The following PKNOX1 variants were observed in gnomAD, a reference collection of about 807,000 sequenced individuals.
The protein encoded by PKNOX1 is homeobox protein PKNOX1.
A neutral mutation model predicts 51.9 loss-of-function variants in PKNOX1; 15 were observed. That is an observed-to-expected ratio of 0.29 (90% confidence interval 0.19 to 0.45). The LOEUF (loss-of-function observed/expected upper bound fraction) is 0.45, where lower values mean the gene tolerates loss of function less well. Ranked by LOEUF, PKNOX1 falls within the 20% of genes least tolerant of loss-of-function variation. The pLI is 1.00. For missense variants in PKNOX1, 462 were observed against 547.5 expected (o/e 0.84, Z 1.56); for synonymous variants, 219 against 211.1 (o/e 1.04, Z -0.32).
intron 4 of PKNOX1, among the ~76,000 whole-genome samples, chr21:43,011,019 A>G (rs1286989721): frequency 6.6e-6 from 1 of 150,756 alleles, no homozygotes; most frequent in Middle Eastern, 3.2e-3. Context: ...TTGGCTTATC[A>G]TGGACATGGA....
At chr21:43,001,853 G>A (rs895331947) in intron 1 of PKNOX1, among the ~76,000 whole-genome samples, 1 of 151,952 alleles carries the variant, frequency 6.6e-6, no homozygotes, top group African/African-American at 2.4e-5. Context: ...CCAGCTACTC[G>A]GGAGGCTGAG....
chr21:42,989,485 G>A (rs193263543), intron 1 of PKNOX1, among the ~76,000 whole-genome samples: 7 of 152,064 alleles, frequency 4.6e-5, no homozygotes, highest in South Asian at 4.2e-4. Flanking sequence ...ATGTGATCTC[G>A]ATTTCACTGC....
At chr21:42,996,102 C>T (rs372567946) in intron 1 of PKNOX1, among the ~76,000 whole-genome samples, 9 of 152,164 alleles carry the variant, frequency 5.9e-5, no homozygotes, top group African/African-American at 2.2e-4. Context: ...GTAGTCCTAG[C>T]TCCGTGGGAG....
chr21:43,005,674 A>G (rs1978956451), intron 2 of PKNOX1, among the ~76,000 whole-genome samples: 1 of 151,698 alleles, frequency 6.6e-6, no homozygotes, highest in Non-Finnish European at 1.5e-5. Context: ...GGACCCCAGG[A>G]CGCCCCCAAC....
chr21:43,020,066 G>A (rs1241872660), intron 7 of PKNOX1, among the ~76,000 whole-genome samples: 1 of 151,854 alleles, frequency 6.6e-6, no homozygotes, highest in Non-Finnish European at 1.5e-5. Flanking sequence ...CTGAGTAGTG[G>A]GACTACAGGC....
intron 8 of PKNOX1, among the ~76,000 whole-genome samples, chr21:43,023,683 C>T (rs887863555): frequency 2.6e-5 from 4 of 151,490 alleles, no homozygotes; most frequent in South Asian, 2.1e-4. Flanking sequence ...GGCGCGATCT[C>T]GGCTCACTGC....
At chr21:42,986,017 A>AAAATT (rs34594458) in intron 1 of PKNOX1, among the ~76,000 whole-genome samples, 3 of 147,508 alleles carry the variant, frequency 2.0e-5, no homozygotes, top group African/African-American at 5.0e-5. Context: ...AAAAAAAAAA[A>AAAATT]TTAAAAAAAA....
chr21:42,980,004 G>C (rs62217658), intron 1 of PKNOX1, among the ~76,000 whole-genome samples: 2,231 of 152,322 alleles, frequency 0.015, 22 homozygotes, highest in Middle Eastern at 0.027. Context: ...TAATGATACT[G>C]AGTACAATGC....
intron 10 of PKNOX1, among the ~76,000 whole-genome samples, chr21:43,029,429 T>G (rs1346666750): frequency 2.3e-5 from 3 of 129,944 alleles, no homozygotes; most frequent in Non-Finnish European, 4.9e-5. Context: ...GCTTTGTTTT[T>G]TTTTTTTTTT....
In PKNOX1 at chr21:43,030,646, G is replaced by A. The variant is rs541507166; in HGVS notation, c.*545G>A. ...CATGTTCAGTGAGCCTGTTTCATTT[G>A]CTATATAGAAAAAGAAACTCCTATT... is the stretch of plus-strand genomic sequence containing the variant. On this transcript the variant is annotated 3_prime_UTR_variant, in exon 11 of 11. Coordinates refer to ENST00000291547, the MANE Select transcript of PKNOX1 (RefSeq NM_004571.5). 1 of 152,590 alleles carries A rather than the reference G, an allele frequency of 6.6e-6. No homozygotes were observed. The highest frequency in any genetic ancestry group is 1.5e-5 in the Non-Finnish European group (1 of 68,040). 9.5% of individuals were successfully genotyped at this position (152,590 alleles called of 1,614,324 possible). A position where few individuals can be genotyped will look rare whatever the true frequency, so the allele number is the denominator to read the frequency against.
chr21:42,991,489 G>A (rs970160943), intron 1 of PKNOX1, among the ~76,000 whole-genome samples: 2 of 152,174 alleles, frequency 1.3e-5, no homozygotes, highest in South Asian at 4.1e-4. Context: ...CACTTTGGGA[G>A]ATCGAGGCAG....
chr21:42,982,869 G>A lies in PKNOX1; in HGVS notation c.-57+8205G>A, dbSNP rs545486751. Among the ~76,000 whole-genome samples, 7 of 152,110 alleles carry A rather than the reference G, an allele frequency of 4.6e-5. 1 individual carries two copies. Among genetic ancestry groups the A allele is most frequent in the African/African-American group, 1.4e-4 (6 of 41,504 alleles). ...CTGTTGCCCAGGCTGGAGTGCAGTG[G>A]TGCAATCTTGGCTCCCTGCAACCTC... is the stretch of plus-strand genomic sequence containing the variant. On this transcript the variant is annotated intron_variant, in intron 1 of 10. Transcript: ENST00000291547.
chr21:43,012,831 C>T (rs868395711), intron 4 of PKNOX1, among the ~76,000 whole-genome samples: 1 of 152,142 alleles, frequency 6.6e-6, no homozygotes, highest in Non-Finnish European at 1.5e-5. Context: ...TGGGATGCAC[C>T]GAGGTCACCA....
intron 1 of PKNOX1, among the ~76,000 whole-genome samples, chr21:43,001,342 T>C (rs1204115053): frequency 1.3e-5 from 2 of 152,102 alleles, no homozygotes; most frequent in Non-Finnish European, 2.9e-5. Context: ...CCCCGGGCTG[T>C]GAGATTGCTC....
At chr21:43,007,022 T>C (rs893967975) in intron 2 of PKNOX1, among the ~76,000 whole-genome samples, 1 of 152,240 alleles carries the variant, frequency 6.6e-6, no homozygotes, top group Admixed American at 6.5e-5. Context: ...GTGACATTTT[T>C]ATGGCTATGT....
intron 1 of PKNOX1, among the ~76,000 whole-genome samples, chr21:43,000,421 T>C (rs1411025987): frequency 6.6e-6 from 1 of 152,228 alleles, no homozygotes; most frequent in African/African-American, 2.4e-5. Flanking sequence ...CTTACATGGA[T>C]GGCAGCAGGC....
intron 7 of PKNOX1, among the ~76,000 whole-genome samples, chr21:43,019,010 G>A (rs1002472021): frequency 2.0e-5 from 3 of 151,184 alleles, no homozygotes; most frequent in Admixed American, 6.6e-5. Context: ...GCTTGAACCC[G>A]GGAAGCAGAG....
chr21:43,025,606 C>T (rs140223221), intron 9 of PKNOX1, among the ~76,000 whole-genome samples: 3 of 152,298 alleles, frequency 2.0e-5, no homozygotes, highest in African/African-American at 4.8e-5. Flanking sequence ...AGGGCTTGTG[C>T]GTGTTCCTAG....
chr21:43,017,092 T>A (rs1297857260), intron 6 of PKNOX1, 85 bp downstream of exon 6: 1 of 880,856 alleles, frequency 1.1e-6, no homozygotes, highest in South Asian at 1.5e-5. Flanking sequence ...ATAAATATAA[T>A]TTCAAGTTCA....
Sources: gnomAD v4.1 joint callset for allele counts (sites outside exome capture counted in the v4.1 genomes callset) on GRCh38, gnomAD v4.1.1 for gene constraint, MANE v1.5 for transcripts, NCBI Gene and HGNC (gene_info 2026-07-23, HGNC 2026-07-21) for gene names.